DESI2: variants seen among roughly 807,000 people sequenced by gnomAD.
The protein encoded by DESI2 is desumoylating isopeptidase 2.
Under a neutral mutation model 24.1 loss-of-function variants are expected in DESI2, and 10 were observed. The ratio of observed to expected loss-of-function variants is 0.41; its 90% CI spans 0.26 to 0.70. DESI2 has a LOEUF of 0.70. Among genes scored for constraint, DESI2 ranks in the 30% least tolerant of loss-of-function variants. The pLI, the probability that DESI2 is intolerant of heterozygous loss-of-function variation, is 0.29. For missense variants in DESI2, 122 were observed against 234.9 expected, an observed-to-expected ratio of 0.52 and a Z score of 3.14; for synonymous variants, 71 against 87.7, an observed-to-expected ratio of 0.81 and a Z score of 1.06.
intron 1 of DESI2, among the ~76,000 whole-genome samples, chr1:244,666,422 C>G (rs1676049534): frequency 6.6e-6 from 1 of 152,134 alleles, no homozygotes; most frequent in African/African-American, 2.4e-5. Context: ...CTCTATCACT[C>G]CAATCAGTGA....
At chr1:244,657,072 C>T (rs2148777911) in intron 1 of DESI2, among the ~76,000 whole-genome samples, 1 of 152,316 alleles carries the variant, frequency 6.6e-6, no homozygotes, top group South Asian at 2.1e-4. Context: ...TGTGCCCAGC[C>T]AGTACCAATT....
At chr1:244,681,344 G>A (rs1676605978) in intron 1 of DESI2, among the ~76,000 whole-genome samples, 1 of 152,086 alleles carries the variant, frequency 6.6e-6, no homozygotes, top group Admixed American at 6.6e-5. Flanking sequence ...CCTCTTCTGT[G>A]TTTTTTATCT....
chr1:244,672,874 GTAATAATAA>G (rs55850553), intron 1 of DESI2, among the ~76,000 whole-genome samples: 25 of 149,556 alleles, frequency 1.7e-4, no homozygotes, highest in African/African-American at 6.1e-4. Flanking sequence ...GACTCTGTCT[GTAATAATAA>G]TAATAATAAT....
chr1:244,694,084 A>G (rs1677123363), intron 4 of DESI2, among the ~76,000 whole-genome samples: 1 of 152,220 alleles, frequency 6.6e-6, no homozygotes, highest in Non-Finnish European at 1.5e-5. Flanking sequence ...CAAAATCATC[A>G]CTATATTAAT....
chr1:244,677,566 T>C (rs890136452), intron 1 of DESI2, among the ~76,000 whole-genome samples: 1 of 152,184 alleles, frequency 6.6e-6, no homozygotes, highest in African/African-American at 2.4e-5. Flanking sequence ...ACGTCAACAT[T>C]AATTTTTGCC....
chr1:244,691,713 T>C (rs1182257272), intron 3 of DESI2, among the ~76,000 whole-genome samples, 166 bp from the exon 4 acceptor site: 1 of 152,246 alleles, frequency 6.6e-6, no homozygotes, highest in African/African-American at 2.4e-5. Context: ...AATAGGACTT[T>C]TAAAGTATCT....
chr1:244,654,239 A>G (rs1675570177), intron 1 of DESI2, among the ~76,000 whole-genome samples: 1 of 152,234 alleles, frequency 6.6e-6, no homozygotes, highest in South Asian at 2.1e-4. Flanking sequence ...TTTGTTCTGT[A>G]GAATGGGTTT....
Position 244,653,338 on chromosome 1 carries a change from C to T in DESI2, c.25C>T (p.Leu9Phe). The T allele has an allele frequency of 3.3e-6, 5 of 1,537,252 alleles. No homozygotes were observed. The highest frequency in any genetic ancestry group is 4.3e-6 in the Non-Finnish European group (5 of 1,149,878). The change falls in exon 1 of 5, where the codon CTC becomes TTC. Residue 9 changes from leucine (L) to phenylalanine (F), a missense_variant. Physicochemically the swap from Leu to Phe is conservative, Grantham distance 22. Coordinates refer to ENST00000302550, the MANE Select transcript of DESI2 (RefSeq NM_016076.5). MGANQLVV[L>F]NVYDMYWMNE... ...GATGGGGGCTAACCAGTTAGTGGTG[C>T]TCAACGTGTACGACATGGTGAGTGC...
chr1:244,683,801 A>G (rs895252031), intron 1 of DESI2, among the ~76,000 whole-genome samples: 7 of 150,640 alleles, frequency 4.6e-5, no homozygotes, highest in African/African-American at 1.7e-4. Context: ...GCTCACTGCA[A>G]CCTCAAACTC....
rs758491763 is a variant in DESI2, at chr1:244,653,292, G to T, written c.-22G>T. 3.4e-6 allele frequency: 5 copies of T among 1,489,294 alleles called. No individual in the cohort carries two copies. The highest frequency in any genetic ancestry group is 4.4e-6 in the Non-Finnish European group (5 of 1,124,738). 92.3% of individuals were successfully genotyped at this position (1,489,294 alleles called of 1,614,324 possible). On this transcript the variant is annotated 5_prime_UTR_variant, in exon 1 of 5. It adds an upstream start codon to the 5' untranslated region. Transcript: ENST00000302550. ...CGGAGACGGAGCGGCTTGAGGACGAGGCGGCGGCCGCGGGGAGGAGGATGG... is the reference window on the plus strand; with the variant it reads ...CGGAGACGGAGCGGCTTGAGGACGATGCGGCGGCCGCGGGGAGGAGGATGG...
chr1:244,707,687 A>G lies in DESI2; in HGVS notation c.*1898A>G, dbSNP rs183382317. The G allele has an allele frequency of 2.6e-4, 40 of 152,326 alleles. 1 individual carries two copies. Among genetic ancestry groups the G allele is most frequent in the Admixed American group, 2.4e-3 (36 of 15,288 alleles). 9.4% of individuals were successfully genotyped at this position (152,326 alleles called of 1,614,324 possible). A position where few individuals can be genotyped will look rare whatever the true frequency, so the allele number is the denominator to read the frequency against. The stretch of plus-strand genomic sequence containing the variant: ...AGTGTTTTCTAATTCATTCAAGTAT[A>G]TATGATTTAAACCTGGGCTACTGAC... On this transcript the variant is annotated 3_prime_UTR_variant, in exon 5 of 5. Coordinates refer to ENST00000302550, the MANE Select transcript of DESI2 (RefSeq NM_016076.5).
At chr1:244,666,414 C>CT (rs1383025636) in intron 1 of DESI2, among the ~76,000 whole-genome samples, 1 of 152,168 alleles carries the variant, frequency 6.6e-6, no homozygotes, top group Non-Finnish European at 1.5e-5. Flanking sequence ...ACTTTCTACT[C>CT]TATCACTCCA....
intron 4 of DESI2, among the ~76,000 whole-genome samples, chr1:244,704,285 C>T (rs1677603613): frequency 6.6e-6 from 1 of 152,120 alleles, no homozygotes; most frequent in Non-Finnish European, 1.5e-5. Context: ...TTGGAGATCA[C>T]ATGATCATAA....
chr1:244,653,366 C>T lies in DESI2; in HGVS notation c.42+11C>T, dbSNP rs762247375. 1 of 1,543,316 alleles carries T rather than the reference C, an allele frequency of 6.5e-7. No homozygotes were observed. Among genetic ancestry groups the T allele is most frequent in the South Asian group, 1.2e-5 (1 of 81,934 alleles). On this transcript the variant is annotated intron_variant, in intron 1 of 4. Coordinates refer to ENST00000302550, the MANE Select transcript of DESI2 (RefSeq NM_016076.5). ...AACGTGTACGACATGGTGAGTGCGGCCCCTGGCGGCCCCGAGCCCTGGCCC... is the reference window on the plus strand; with the variant it reads ...AACGTGTACGACATGGTGAGTGCGGTCCCTGGCGGCCCCGAGCCCTGGCCC...
rs1241592029 is a variant in DESI2 at position 244,706,626 on chromosome 1, A to C, written c.*837A>C. On this transcript the variant is annotated 3_prime_UTR_variant, in exon 5 of 5. Transcript: ENST00000302550. ...ATACACATGTATTTCCTCCTTGCAC[A>C]GGATTTTGATGGTGTGGGAATATCC... 1 of 152,608 alleles carries C rather than the reference A, an allele frequency of 6.6e-6. No homozygotes were observed. Among genetic ancestry groups the C allele is most frequent in the African/African-American group, 2.4e-5 (1 of 41,454 alleles). The allele number at this position is 152,608 out of a possible 1,614,324, so 9.5% of individuals were successfully genotyped here.
chr1:244,692,163 TATGA>T (rs1272797281), intron 4 of DESI2, 143 bp downstream of exon 4: 1 of 728,302 alleles, frequency 1.4e-6, no homozygotes, highest in African/African-American at 1.8e-5. Context: ...TTCAATCTTG[TATGA>T]ATGACCTTTC....
At position 244,653,365 on chromosome 1, in the gene DESI2, G is replaced by GT. The variant is rs754082056; in HGVS notation, c.42+10_42+11insT. 2 of 1,543,384 alleles carry GT rather than the reference G, an allele frequency of 1.3e-6. No homozygotes were observed. The highest frequency in any genetic ancestry group is 1.7e-6 in the Non-Finnish European group (2 of 1,152,008). ...CAACGTGTACGACATGGTGAGTGCGGCCCCTGGCGGCCCCGAGCCCTGGCC... is the reference window on the plus strand; with the variant it reads ...CAACGTGTACGACATGGTGAGTGCGGTCCCCTGGCGGCCCCGAGCCCTGGCC... On this transcript the variant is annotated intron_variant, in intron 1 of 4. Coordinates refer to ENST00000302550, the MANE Select transcript of DESI2 (RefSeq NM_016076.5).
chr1:244,688,195 GATTGCTTTTTAA>G (rs1676889086), intron 2 of DESI2, among the ~76,000 whole-genome samples: 1 of 152,234 alleles, frequency 6.6e-6, no homozygotes, highest in South Asian at 2.1e-4. Context: ...GAAAATTAGT[GATTGCTTTTTAA>G]ATAAAAGAAT....
chr1:244,664,698 A>G (rs1218440363), intron 1 of DESI2, among the ~76,000 whole-genome samples: 2 of 152,258 alleles, frequency 1.3e-5, no homozygotes, highest in Non-Finnish European at 2.9e-5. Flanking sequence ...CCCTGTCTCA[A>G]AAATAAATAC....
Sources: gnomAD v4.1 joint callset for allele counts (sites outside exome capture counted in the v4.1 genomes callset) on GRCh38, gnomAD v4.1.1 for gene constraint, MANE v1.5 for transcripts, NCBI Gene and HGNC (gene_info 2026-07-23, HGNC 2026-07-21) for gene names.